The following HHAT variants were observed in gnomAD, a reference collection of about 807,000 sequenced individuals.
HHAT encodes the protein hedgehog acyltransferase, also known as protein-cysteine N-palmitoyltransferase HHAT.
HHAT carries 47 observed loss-of-function variants against 70.8 expected under a neutral mutation model. The observed-to-expected ratio is 0.66, with a 90% CI of 0.53 to 0.85. The LOEUF is 0.85. Among genes scored for constraint, HHAT ranks in the 40% least tolerant of loss-of-function variants. The pLI, the probability that HHAT is intolerant of heterozygous loss-of-function variation, is 0.00. For synonymous variants in HHAT, 228 were observed against 247.6 expected (o/e 0.92, Z 0.74); for missense variants, 609 against 604.8 (o/e 1.01, Z -0.07).
intron 1 of HHAT, among the ~76,000 whole-genome samples, chr1:210,335,086 A>T (rs981208452): frequency 6.6e-6 from 1 of 152,188 alleles, no homozygotes; most frequent in East Asian, 1.9e-4. Flanking sequence ...ATTGATAAGG[A>T]TATTACAAGA....
At chr1:210,461,783 T>C (rs2093983901) in intron 7 of HHAT, among the ~76,000 whole-genome samples, 1 of 152,186 alleles carries the variant, frequency 6.6e-6, no homozygotes, top group Admixed American at 6.5e-5. Flanking sequence ...AAACCAGATA[T>C]TAAAATTTCA....
intron 7 of HHAT, among the ~76,000 whole-genome samples, chr1:210,444,827 C>T (rs951950416): frequency 6.6e-6 from 1 of 151,890 alleles, no homozygotes; most frequent in Non-Finnish European, 1.5e-5. Flanking sequence ...ATATAACACA[C>T]AAATGAGGTT....
At position 210,483,836 on chromosome 1, in the gene HHAT, A is replaced by C. The variant is rs571271010; in HGVS notation, c.1007+19181A>C. On this transcript the variant is annotated intron_variant, in intron 8 of 11. Transcript: ENST00000261458. ...CCATCAACCAAGGTAGAATAATATA[A>C]GTATAAATACATTTCTGTACTATAA... 7.2e-5 allele frequency among the ~76,000 whole-genome samples: 11 copies of C among 152,324 alleles called. No individual in the cohort carries two copies. In the South Asian group the frequency reaches 1.9e-3, roughly 26 times the overall value.
intron 10 of HHAT, among the ~76,000 whole-genome samples, chr1:210,594,267 G>A (rs1334230984): frequency 5.3e-5 from 8 of 151,986 alleles, no homozygotes; most frequent in African/African-American, 1.9e-4. Flanking sequence ...TTTAGTGAAA[G>A]TGATTTTCTC....
chr1:210,670,014 G>T (rs1041363701), intron 11 of HHAT, among the ~76,000 whole-genome samples: 3 of 152,126 alleles, frequency 2.0e-5, no homozygotes, highest in African/African-American at 7.2e-5. Context: ...GCATGGGTGG[G>T]GGACAGTGGA....
At chr1:210,398,226 A>G (rs1011342967) in intron 4 of HHAT, among the ~76,000 whole-genome samples, 2 of 152,244 alleles carry the variant, frequency 1.3e-5, no homozygotes, top group African/African-American at 4.8e-5. Context: ...AGTTTCGTGT[A>G]GGTGATTCTT....
chr1:210,471,352 C>T (rs2094201105), intron 8 of HHAT, among the ~76,000 whole-genome samples: 2 of 152,114 alleles, frequency 1.3e-5, no homozygotes, highest in South Asian at 4.2e-4. Flanking sequence ...AGAGTGTTTG[C>T]CTTTCTTACT....
intron 11 of HHAT, among the ~76,000 whole-genome samples, chr1:210,642,033 A>G (rs1339751825): frequency 2.0e-5 from 3 of 152,150 alleles, no homozygotes; most frequent in Non-Finnish European, 4.4e-5. Flanking sequence ...TAAATTTGTC[A>G]CTGCCAAAGT....
intron 9 of HHAT, among the ~76,000 whole-genome samples, chr1:210,574,402 G>T (rs541689870): frequency 6.6e-6 from 1 of 152,174 alleles, no homozygotes; most frequent in Non-Finnish European, 1.5e-5. Context: ...AGTGGCATAA[G>T]AGGCAGTTGG....
chr1:210,657,060 T>A (rs1185366979), intron 11 of HHAT, among the ~76,000 whole-genome samples: 6 of 152,198 alleles, frequency 3.9e-5, no homozygotes, highest in Admixed American at 3.9e-4. Flanking sequence ...CAAACTAATA[T>A]CAGAACTGTT....
chr1:210,343,317 C>T (rs1188589812), intron 1 of HHAT, among the ~76,000 whole-genome samples: 1 of 152,182 alleles, frequency 6.6e-6, no homozygotes. Context: ...AGGGAGCTCT[C>T]TTCTTCCCCT....
chr1:210,617,673 C>T lies in HHAT; in HGVS notation c.1246-5853C>T, dbSNP rs139160148. ...CATGGATTTAAATGCTAAACTTTGGCCTCTGCAGTTTTTAAACTAAGCTGG... is the reference window on the plus strand; with the variant it reads ...CATGGATTTAAATGCTAAACTTTGGTCTCTGCAGTTTTTAAACTAAGCTGG... On this transcript the variant is annotated intron_variant, in intron 10 of 11. Transcript: ENST00000261458. Among the ~76,000 whole-genome samples, 442 of 152,298 alleles carry T rather than the reference C, an allele frequency of 2.9e-3. 2 individuals are homozygous for T. Among genetic ancestry groups the T allele is most frequent in the African/African-American group, 0.01 (417 of 41,562 alleles).
At chr1:210,449,148 TGG>T (rs1481500768) in intron 7 of HHAT, among the ~76,000 whole-genome samples, 2 of 152,190 alleles carry the variant, frequency 1.3e-5, no homozygotes, top group Non-Finnish European at 2.9e-5. Flanking sequence ...TTAAAATTGG[TGG>T]TCGGACCTCC....
chr1:210,463,975 G>A (rs2094038263), intron 7 of HHAT, among the ~76,000 whole-genome samples: 1 of 152,180 alleles, frequency 6.6e-6, no homozygotes, highest in African/African-American at 2.4e-5. Flanking sequence ...ATTGATACAG[G>A]CATTCAGTGT....
In HHAT at chr1:210,651,569, G is replaced by A. The variant is rs146460311; in HGVS notation, c.1391-22719G>A. ...TGGAACCTCAGAGCAGGGGGACTGC[G>A]CAGCCAGCTCTCAGACCCCAAGGGA... On this transcript the variant is annotated intron_variant, in intron 11 of 11. Transcript: ENST00000261458. Among the ~76,000 whole-genome samples the A allele has an allele frequency of 9.3e-3, 1,413 of 152,268 alleles. 9 individuals are homozygous for A. The highest frequency in any genetic ancestry group is 0.013 in the Non-Finnish European group (872 of 68,026).
At chr1:210,497,258 G>A (rs1572848668) in intron 8 of HHAT, among the ~76,000 whole-genome samples, 1 of 152,124 alleles carries the variant, frequency 6.6e-6, no homozygotes, top group African/African-American at 2.4e-5. Flanking sequence ...TATATTCCCT[G>A]GTGTGAAAAC....
intron 1 of HHAT, among the ~76,000 whole-genome samples, chr1:210,345,190 G>A (rs1412246092): frequency 6.6e-6 from 1 of 152,074 alleles, no homozygotes; most frequent in Non-Finnish European, 1.5e-5. Flanking sequence ...GCGCTGGGAT[G>A]GCATCCTGTC....
At chr1:210,504,765 G>A (rs1236669320) in intron 8 of HHAT, among the ~76,000 whole-genome samples, 1 of 152,036 alleles carries the variant, frequency 6.6e-6, no homozygotes, top group African/African-American at 2.4e-5. Flanking sequence ...GTCCTCCCAG[G>A]GCTTGTTTTC....
intron 3 of HHAT, among the ~76,000 whole-genome samples, chr1:210,386,230 C>CTTTTTTTTTCTTTTTTTTTTTTTTTTT (rs2091039734): frequency 1.4e-5 from 1 of 69,922 alleles, no homozygotes; most frequent in Non-Finnish European, 2.6e-5. Context: ...TTCTTTTTTT[C>CTTTTTTTTTCTTTTTTTTTTTTTTTTT]TTTTTTTTTT....
Sources: allele counts gnomAD v4.1 joint callset (sites outside exome capture counted in the v4.1 genomes callset), GRCh38; gene constraint gnomAD v4.1.1; transcripts MANE v1.5; gene names NCBI Gene and HGNC (gene_info 2026-07-23, HGNC 2026-07-21).